PCBP3: variants seen among roughly 807,000 people sequenced by gnomAD.
PCBP3 encodes poly(rC)-binding protein 3.
Under a neutral mutation model 52.7 loss-of-function variants are expected in PCBP3, and 25 were observed. That is an observed-to-expected ratio of 0.47 (90% CI 0.35 to 0.66). PCBP3 has a LOEUF of 0.66. Ranked by LOEUF, PCBP3 falls within the 30% of genes least tolerant of loss-of-function variation. PCBP3 has a pLI of 0.01. For synonymous variants in PCBP3, 162 were observed against 183.0 expected (o/e 0.89, Z 0.93); for missense variants, 391 against 490.3 (o/e 0.80, Z 1.91).
At chr21:45,913,322 G>T (rs1259042556) in intron 11 of PCBP3, among the ~76,000 whole-genome samples, 1 of 152,232 alleles carries the variant, frequency 6.6e-6, no homozygotes, top group Non-Finnish European at 1.5e-5. Context: ...AGTGAAGTGA[G>T]ATGTTTCCAA....
intron 2 of PCBP3, among the ~76,000 whole-genome samples, chr21:45,682,338 T>C (rs1315748991): frequency 1.3e-5 from 2 of 152,200 alleles, no homozygotes; most frequent in Middle Eastern, 3.2e-3. Flanking sequence ...TTGTTTTATA[T>C]ATAATGTCCA....
chr21:45,752,243 T>C (rs1279717664), intron 3 of PCBP3, among the ~76,000 whole-genome samples: 4 of 152,130 alleles, frequency 2.6e-5, no homozygotes, highest in African/African-American at 9.6e-5. Flanking sequence ...GTAGTTTAAT[T>C]TTTTATTAGT....
chr21:45,845,579 CGTGT>C (rs888485410), intron 4 of PCBP3, among the ~76,000 whole-genome samples: 2 of 131,896 alleles, frequency 1.5e-5, no homozygotes, highest in African/African-American at 5.9e-5. Context: ...CGTGTGCACA[CGTGT>C]GAGTGTGTGC....
intron 16 of PCBP3, among the ~76,000 whole-genome samples, chr21:45,936,329 G>A (rs1187169126): frequency 6.6e-6 from 1 of 152,214 alleles, no homozygotes; most frequent in Non-Finnish European, 1.5e-5. Context: ...CTTCATTTGA[G>A]CCCCTCATGG....
intron 4 of PCBP3, among the ~76,000 whole-genome samples, chr21:45,799,705 G>A (rs1243471219): frequency 6.6e-6 from 1 of 152,216 alleles, no homozygotes; most frequent in African/African-American, 2.4e-5. Flanking sequence ...GCCTGGTCCT[G>A]AGGGGCCAGG....
At chr21:45,812,799 T>G (rs114526400) in intron 4 of PCBP3, among the ~76,000 whole-genome samples, 3,161 of 152,354 alleles carry the variant, frequency 0.021, 121 homozygotes, top group African/African-American at 0.072. Flanking sequence ...AAATTCTCTC[T>G]AAAATTTTAG....
intron 8 of PCBP3, 133 bp downstream of exon 8, chr21:45,900,756 C>A: frequency 1.3e-6 from 1 of 745,384 alleles, no homozygotes; most frequent in Non-Finnish European, 2.3e-6. Flanking sequence ...AGTGCGGGGC[C>A]TCTTTTCCCC....
chr21:45,938,223 T>A (rs2149584897), intron 16 of PCBP3, among the ~76,000 whole-genome samples: 1 of 152,330 alleles, frequency 6.6e-6, no homozygotes, highest in East Asian at 1.9e-4. Context: ...TGCACAAGGC[T>A]TTCCGTGCTG....
chr21:45,796,243 T>TA lies in PCBP3; in HGVS notation c.-126+40800dup, dbSNP rs199538865. On this transcript the variant is annotated intron_variant, in intron 4 of 17. Transcript: ENST00000681687. The stretch of plus-strand genomic sequence containing the variant: ...CATGTAGAAATTGTGCAAGAATTGT[T>TA]AAAAAAAAATCTATAGGTAACTGTA... Among the ~76,000 whole-genome samples the TA allele has an allele frequency of 1.7e-3, 258 of 151,818 alleles. 1 individual carries two copies. Among genetic ancestry groups the TA allele is most frequent in the South Asian group, 0.014 (65 of 4,812 alleles).
intron 16 of PCBP3, among the ~76,000 whole-genome samples, chr21:45,936,263 G>A (rs530366080): frequency 6.6e-6 from 1 of 152,228 alleles, no homozygotes; most frequent in Non-Finnish European, 1.5e-5. Context: ...AGGGTCGCCA[G>A]AGGAATGGAC....
rs541537086 is a variant in PCBP3, at chr21:45,837,803, G to A, written c.-125-12158G>A. On this transcript the variant is annotated intron_variant, in intron 4 of 17. Coordinates refer to ENST00000681687, the MANE Select transcript of PCBP3 (RefSeq NM_001384156.1). This position sits in a 1 kb window ranked among gnomAD's most constrained non-coding sequence, Gnocchi z 4.1. ...GCTCCTTCACTGGTGCTGAGACTGAGGATTGAGCTTAGGGGGTCAGCCTGA... is the reference window on the plus strand; with the variant it reads ...GCTCCTTCACTGGTGCTGAGACTGAAGATTGAGCTTAGGGGGTCAGCCTGA... Among the ~76,000 whole-genome samples, 4 of 152,346 alleles carry A rather than the reference G, an allele frequency of 2.6e-5. No homozygotes were observed. Among genetic ancestry groups the A allele is most frequent in the African/African-American group, 9.6e-5 (4 of 41,574 alleles).
chr21:45,666,843 C>T (rs2080830944), intron 1 of PCBP3, among the ~76,000 whole-genome samples: 1 of 151,386 alleles, frequency 6.6e-6, no homozygotes, highest in Admixed American at 6.6e-5. Flanking sequence ...TTTGAGAATC[C>T]CTTTTTAATG....
At chr21:45,871,681 A>C (rs903273303) in intron 5 of PCBP3, 1 of 152,292 alleles carries the variant, frequency 6.6e-6, no homozygotes, top group South Asian at 2.1e-4. Context: ...GGCCAGGGCC[A>C]CTGCCCTCTC....
chr21:45,757,967 A>G lies in PCBP3; in HGVS notation c.-126+2515A>G, dbSNP rs1279348771. On this transcript the variant is annotated intron_variant, in intron 4 of 17. Coordinates refer to ENST00000681687, the MANE Select transcript of PCBP3 (RefSeq NM_001384156.1). The stretch of plus-strand genomic sequence containing the variant: ...AGTGGTGCGATCTCGGCTCACTGCA[A>G]CCTCCACCTCCAGGGCTCAGCTGAT... Among the ~76,000 whole-genome samples, 5 of 151,388 alleles carry G rather than the reference A, an allele frequency of 3.3e-5. No homozygotes were observed. The East Asian group carries it at 7.8e-4, about 24-fold the overall frequency.
chr21:45,709,733 T>C (rs2083703908), intron 2 of PCBP3, among the ~76,000 whole-genome samples: 1 of 152,222 alleles, frequency 6.6e-6, no homozygotes, highest in Non-Finnish European at 1.5e-5. Flanking sequence ...GCCATTATTA[T>C]TAACTAAAGT....
At chr21:45,663,538 A>G (rs1351586250) in intron 1 of PCBP3, among the ~76,000 whole-genome samples, 1 of 151,954 alleles carries the variant, frequency 6.6e-6, no homozygotes, top group African/African-American at 2.4e-5. Context: ...TAAGTTTTTA[A>G]TCCATCTTGA....
chr21:45,769,466 C>T (rs1254506854), intron 4 of PCBP3, among the ~76,000 whole-genome samples: 4 of 152,378 alleles, frequency 2.6e-5, no homozygotes, highest in Non-Finnish European at 5.9e-5. Flanking sequence ...AGCTGGAGCA[C>T]CTGCGTCTCT....
At chr21:45,895,041 G>A (rs530170557) in intron 5 of PCBP3, among the ~76,000 whole-genome samples, 3 of 152,178 alleles carry the variant, frequency 2.0e-5, no homozygotes, top group South Asian at 2.1e-4. Context: ...GCGTAAGCGC[G>A]GGTGTAGACA....
At chr21:45,847,652 T>A (rs1442021347) in intron 4 of PCBP3, among the ~76,000 whole-genome samples, 2 of 152,248 alleles carry the variant, frequency 1.3e-5, no homozygotes, top group African/African-American at 2.4e-5. Context: ...ATTGCTCCAC[T>A]GTTCACTTAC....
Sources: gnomAD v4.1 joint callset for allele counts (sites outside exome capture counted in the v4.1 genomes callset) on GRCh38, gnomAD v4.1.1 for gene constraint, Gnocchi (gnomAD v3.1) non-coding constraint, MANE v1.5 for transcripts, NCBI Gene and HGNC (gene_info 2026-07-23, HGNC 2026-07-21) for gene names.